Variants in DPP6 observed in about 807,000 individuals in gnomAD.
DPP6 encodes the protein dipeptidyl peptidase like 6.
DPP6 carries 69 observed loss-of-function variants against 122.6 expected under a neutral mutation model. That is an observed-to-expected ratio of 0.56 (90% CI 0.46 to 0.69). The LOEUF is 0.69. Among genes scored for constraint, DPP6 ranks in the 30% least tolerant of loss-of-function variants. DPP6 has a pLI of 0.00. For missense variants in DPP6, 928 were observed against 1,116.9 expected (o/e 0.83, Z 2.41); for synonymous variants, 418 against 433.1 (o/e 0.97, Z 0.43).
intron 1 of DPP6, among the ~76,000 whole-genome samples, chr7:153,971,453 C>G (rs867069939): frequency 5.4e-5 from 8 of 147,476 alleles, no homozygotes; most frequent in Non-Finnish European, 1.5e-5. Context: ...GCTAGGACTG[C>G]CAGTAAAATG....
At chr7:154,663,174 G>A (rs1205028514) in intron 6 of DPP6, among the ~76,000 whole-genome samples, 5 of 66,946 alleles carry the variant, frequency 7.5e-5, no homozygotes, top group Non-Finnish European at 1.1e-4. Context: ...CGTATTGGCG[G>A]TAGTGTTCAT....
chr7:153,841,749 G>A, the DPP6 span, among the ~76,000 whole-genome samples: 1 of 152,222 alleles, frequency 6.6e-6, no homozygotes, highest in Non-Finnish European at 1.5e-5. Context: ...CGTTAAGAAA[G>A]TAGGCTGAGG....
rs367683894 is a variant in DPP6, at chr7:154,323,953, T to C, written c.244-122261T>C. Among the ~76,000 whole-genome samples the C allele has an allele frequency of 2.6e-5, 4 of 152,320 alleles. No individual in the cohort carries two copies. In the East Asian group the frequency reaches 5.8e-4, roughly 22 times the overall value. On this transcript the variant is annotated intron_variant, in intron 1 of 25. Coordinates refer to ENST00000377770, the MANE Select transcript of DPP6 (RefSeq NM_130797.4). ...CAAGTGAGACAGTACAGGTGAAAACTACAAAATCTCTCTTGTAAAATACAC... is the reference window on the plus strand; with the variant it reads ...CAAGTGAGACAGTACAGGTGAAAACCACAAAATCTCTCTTGTAAAATACAC...
rs141613208 is a variant in DPP6 at position 154,640,424 on chromosome 7, C to T, written c.680+2551C>T. ...TATTGGAAAACAACCTCTGGGGGTG[C>T]CAAAGTCAGTGTCCCACCCTGTCAC... On this transcript the variant is annotated intron_variant, in intron 6 of 25. Transcript: ENST00000377770. Among the ~76,000 whole-genome samples the T allele has an allele frequency of 5.3e-4, 81 of 151,864 alleles. 2 individuals carry two copies. Among genetic ancestry groups the T allele is most frequent in the African/African-American group, 1.9e-3 (77 of 41,344 alleles).
rs573568657 is a variant in DPP6, at chr7:154,284,081, G to A, written c.244-162133G>A. Among the ~76,000 whole-genome samples the A allele has an allele frequency of 1.8e-3, 245 of 139,700 alleles. 2 individuals are homozygous for A. Among genetic ancestry groups the A allele is most frequent in the African/African-American group, 5.8e-3 (228 of 39,218 alleles). The allele number at this position is 139,700 out of a possible 152,430, so 91.6% of individuals were successfully genotyped here. ...TCCCTGTTTGATAAACGGGGAAGCT[G>A]AGTCAGGGGGAGCTGCCTCATCATG... On this transcript the variant is annotated intron_variant, in intron 1 of 25. Transcript: ENST00000377770.
intron 7 of DPP6, among the ~76,000 whole-genome samples, chr7:154,707,355 T>C (rs1840890963): frequency 6.6e-6 from 1 of 152,158 alleles, no homozygotes; most frequent in South Asian, 2.1e-4. Flanking sequence ...AAAATCAAAA[T>C]GCAGAGCAGT....
At chr7:154,507,834 T>C (rs921754946) in intron 3 of DPP6, among the ~76,000 whole-genome samples, 1 of 142,066 alleles carries the variant, frequency 7.0e-6, no homozygotes, top group Non-Finnish European at 1.6e-5. Context: ...AATATTAAGA[T>C]AAAATTTGTC....
rs191064875 is a variant in DPP6, at chr7:154,580,619, C to G, written c.627+13703C>G. The stretch of plus-strand genomic sequence containing the variant: ...CAGGGTCAGAAACTGACATTCAACA[C>G]GAGCTGAGGCCCATGGTCCCAAAAA... On this transcript the variant is annotated intron_variant, in intron 5 of 25. Transcript: ENST00000377770. Among the ~76,000 whole-genome samples the G allele has an allele frequency of 2.3e-3, 346 of 152,228 alleles. 2 individuals carry two copies. Among genetic ancestry groups the G allele is most frequent in the Middle Eastern group, 0.014 (4 of 294 alleles).
intron 1 of DPP6, among the ~76,000 whole-genome samples, chr7:154,159,788 TG>T (rs1415789770): frequency 6.6e-6 from 1 of 152,184 alleles, no homozygotes; most frequent in Non-Finnish European, 1.5e-5. Context: ...CACTATTAGT[TG>T]GTAATATGTC....
At chr7:154,695,273 T>G (rs542335398) in intron 7 of DPP6, among the ~76,000 whole-genome samples, 2 of 152,250 alleles carry the variant, frequency 1.3e-5, no homozygotes, top group South Asian at 4.1e-4. Flanking sequence ...CAGAAAGGGC[T>G]GTGAGGGAAC....
chr7:154,352,494 G>C (rs1434472262), intron 1 of DPP6, among the ~76,000 whole-genome samples: 2 of 151,990 alleles, frequency 1.3e-5, no homozygotes, highest in African/African-American at 4.8e-5. Context: ...AAAAATTAAA[G>C]ACAAATTAAA....
intron 1 of DPP6, among the ~76,000 whole-genome samples, chr7:154,284,456 TG>T (rs1304589839): frequency 1.3e-5 from 2 of 152,246 alleles, no homozygotes; most frequent in Admixed American, 6.5e-5. Context: ...TATCAACTGA[TG>T]GATGGATCAA....
intron 8 of DPP6, among the ~76,000 whole-genome samples, chr7:154,741,605 G>A (rs935732103): frequency 1.3e-5 from 2 of 152,186 alleles, no homozygotes; most frequent in African/African-American, 4.8e-5. Context: ...ATAAAGTATT[G>A]GGATTTTTAA....
chr7:154,265,500 C>G (rs376303452), intron 1 of DPP6, among the ~76,000 whole-genome samples: 3 of 152,214 alleles, frequency 2.0e-5, no homozygotes, highest in South Asian at 4.1e-4. Flanking sequence ...TTTAATACTC[C>G]CTTACATAAT....
At chr7:154,835,515 C>CT (rs1176952295) in intron 16 of DPP6, among the ~76,000 whole-genome samples, 1 of 152,224 alleles carries the variant, frequency 6.6e-6, no homozygotes, top group Non-Finnish European at 1.5e-5. Context: ...ACAATCCTCT[C>CT]TGACTTAAGG....
intron 1 of DPP6, among the ~76,000 whole-genome samples, chr7:153,936,503 G>A (rs1276717331): frequency 6.6e-6 from 1 of 152,108 alleles, no homozygotes; most frequent in Non-Finnish European, 1.5e-5. Context: ...CTGAGTTAAT[G>A]CCACTGAAAT....
chr7:153,963,846 G>A (rs1795486697), intron 1 of DPP6, among the ~76,000 whole-genome samples: 1 of 152,078 alleles, frequency 6.6e-6, no homozygotes, highest in Non-Finnish European at 1.5e-5. Flanking sequence ...GAAAATTTGG[G>A]GACTGCTGCT....
the DPP6 span, among the ~76,000 whole-genome samples, chr7:153,801,201 G>A: frequency 6.8e-6 from 1 of 147,540 alleles, no homozygotes; most frequent in South Asian, 2.3e-4. Flanking sequence ...CAATGTTCTA[G>A]TTTCTAATTA....
intron 7 of DPP6, among the ~76,000 whole-genome samples, chr7:154,687,324 T>C (rs1453755837): frequency 6.6e-6 from 1 of 152,240 alleles, no homozygotes; most frequent in African/African-American, 2.4e-5. Context: ...CCTTTGTCCA[T>C]GGATATTTAG....
Sources: allele counts gnomAD v4.1 joint callset (sites outside exome capture counted in the v4.1 genomes callset), GRCh38; gene constraint gnomAD v4.1.1; transcripts MANE v1.5; gene names NCBI Gene and HGNC (gene_info 2026-07-23, HGNC 2026-07-21).